The following CFAP54 variants were observed in gnomAD, a reference collection of about 807,000 sequenced individuals.
The protein encoded by CFAP54 is cilia and flagella associated protein 54.
CFAP54 carries 290 observed loss-of-function variants against 370.4 expected under a neutral mutation model. That is an observed-to-expected ratio of 0.78 (90% CI 0.71 to 0.86). CFAP54 has a LOEUF of 0.86. CFAP54 is among the 40% of genes least tolerant of loss of function. CFAP54 has a pLI of 0.00. For synonymous variants in CFAP54, 1,206 were observed against 1,236.5 expected, an observed-to-expected ratio of 0.98 and a Z score of 0.52; for missense variants, 3,399 against 3,528.7, an observed-to-expected ratio of 0.96 and a Z score of 0.93.
chr12:96,556,396 CT>C (rs140758512), intron 17 of CFAP54, among the ~76,000 whole-genome samples: 53 of 150,558 alleles, frequency 3.5e-4, no homozygotes, highest in African/African-American at 1.0e-3. Flanking sequence ...TATTTCTTTT[CT>C]TTTTTTTTCA....
chr12:96,824,832 T>C (rs1051256102), intron 65 of CFAP54, among the ~76,000 whole-genome samples: 6 of 152,160 alleles, frequency 3.9e-5, no homozygotes, highest in East Asian at 1.9e-4. Flanking sequence ...TCTACCATTA[T>C]TCCCTCAGTC....
At chr12:96,511,777 C>T (rs978988821) in intron 4 of CFAP54, among the ~76,000 whole-genome samples, 1 of 152,222 alleles carries the variant, frequency 6.6e-6, no homozygotes, top group African/African-American at 2.4e-5. Flanking sequence ...AGCCACGGCG[C>T]CTGGCCATCA....
intron 26 of CFAP54, among the ~76,000 whole-genome samples, chr12:96,604,799 T>G (rs958697914): frequency 6.6e-6 from 1 of 152,224 alleles, no homozygotes; most frequent in Non-Finnish European, 1.5e-5. Context: ...TGGGAGGGAA[T>G]CTCCTGGTCT....
chr12:96,808,385 T>G (rs59920032), intron 63 of CFAP54, among the ~76,000 whole-genome samples: 4,090 of 152,174 alleles, frequency 0.027, 192 homozygotes, highest in African/African-American at 0.092. Flanking sequence ...TGAACACATC[T>G]TCCAGCTTCC....
chr12:96,829,958 T>C (rs905071924), intron 66 of CFAP54, among the ~76,000 whole-genome samples: 3 of 152,196 alleles, frequency 2.0e-5, no homozygotes, highest in African/African-American at 7.2e-5. Context: ...AGGTATCTCA[T>C]ATTAGAATCA....
At chr12:96,503,408 TCTCCCTCC>T (rs376584953) in intron 2 of CFAP54, among the ~76,000 whole-genome samples, 1 of 125,286 alleles carries the variant, frequency 8.0e-6, no homozygotes, top group East Asian at 2.7e-4. Context: ...TCCCTTCCTC[TCTCCCTCC>T]CTCCCTCCCT....
intron 58 of CFAP54, among the ~76,000 whole-genome samples, chr12:96,760,425 A>G (rs111741739): frequency 1.4e-4 from 22 of 152,326 alleles, no homozygotes; most frequent in African/African-American, 4.8e-4. Flanking sequence ...CCTTATGCCT[A>G]TTTGCAGTCA....
chr12:96,659,156 T>C (rs1378773626), intron 38 of CFAP54, among the ~76,000 whole-genome samples: 4 of 152,348 alleles, frequency 2.6e-5, no homozygotes, highest in Admixed American at 6.5e-5. Context: ...ACAATGTACC[T>C]GGAGATAGCA....
intron 19 of CFAP54, among the ~76,000 whole-genome samples, chr12:96,567,380 A>G (rs1205643862): frequency 6.6e-6 from 1 of 152,194 alleles, no homozygotes; most frequent in Non-Finnish European, 1.5e-5. Context: ...ATCAATGTTC[A>G]AGGTGAGGAA....
chr12:96,521,549 C>A (rs10745765), intron 6 of CFAP54, among the ~76,000 whole-genome samples: 1 of 30,844 alleles, frequency 3.2e-5, no homozygotes, highest in Non-Finnish European at 6.7e-5. Flanking sequence ...TGTGTGTGTG[C>A]GCGTGCGCAC....
At chr12:96,498,642 A>G (rs1171743665) in intron 1 of CFAP54, among the ~76,000 whole-genome samples, 1 of 152,170 alleles carries the variant, frequency 6.6e-6, no homozygotes, top group Non-Finnish European at 1.5e-5. Context: ...ACAGAGTGAG[A>G]CTCCATCTCA....
intron 14 of CFAP54, among the ~76,000 whole-genome samples, chr12:96,544,442 C>T (rs999147474): frequency 1.4e-5 from 2 of 142,414 alleles, no homozygotes; most frequent in East Asian, 4.0e-4. Flanking sequence ...CTCTCTCTCT[C>T]TGACTTTCTA....
At chr12:96,614,479 C>T in intron 26 of CFAP54, among the ~76,000 whole-genome samples, 1 of 152,230 alleles carries the variant, frequency 6.6e-6, no homozygotes, top group East Asian at 1.9e-4. Context: ...TCTCTCACCA[C>T]ACCTATTCAA....
chr12:96,763,231 A>G (rs1394293396), intron 58 of CFAP54, among the ~76,000 whole-genome samples: 1 of 152,064 alleles, frequency 6.6e-6, no homozygotes, highest in Non-Finnish European at 1.5e-5. Context: ...AAAACTGAAT[A>G]TATATTTTTA....
intron 67 of CFAP54, among the ~76,000 whole-genome samples, chr12:96,866,872 A>G (rs1960018602): frequency 6.6e-6 from 1 of 152,212 alleles, no homozygotes; most frequent in Admixed American, 6.5e-5. Flanking sequence ...AAAACAAAAC[A>G]ATGTTCAGAA....
intron 38 of CFAP54, among the ~76,000 whole-genome samples, chr12:96,660,728 C>T (rs1215041319): frequency 6.6e-6 from 1 of 152,180 alleles, no homozygotes; most frequent in East Asian, 1.9e-4. Context: ...TCTATACAAT[C>T]TACGTGGAGA....
At chr12:96,583,205 T>C in intron 22 of CFAP54, among the ~76,000 whole-genome samples, 1 of 152,198 alleles carries the variant, frequency 6.6e-6, no homozygotes, top group Non-Finnish European at 1.5e-5. Context: ...CTGGAAATTT[T>C]TTTTTGAGGA....
At chr12:96,646,039 G>C (rs1378240795) in intron 33 of CFAP54, 1 of 152,034 alleles carries the variant, frequency 6.6e-6, no homozygotes, top group African/African-American at 2.4e-5. Context: ...CATAGGCATG[G>C]GCAAGGACTT....
chr12:96,634,379 C>T (rs1956642825), intron 32 of CFAP54, among the ~76,000 whole-genome samples: 1 of 151,892 alleles, frequency 6.6e-6, no homozygotes, highest in African/African-American at 2.4e-5. Flanking sequence ...TGCTTACTTG[C>T]CATCTGTATA....
Sources: gnomAD v4.1 joint callset for allele counts (sites outside exome capture counted in the v4.1 genomes callset) on GRCh38, gnomAD v4.1.1 for gene constraint, MANE v1.5 for transcripts, NCBI Gene and HGNC (gene_info 2026-07-23, HGNC 2026-07-21) for gene names.